NTM: variants seen among roughly 807,000 people sequenced by gnomAD.
NTM encodes the protein neurotrimin.
Under a neutral mutation model 42.1 loss-of-function variants are expected in NTM, and 13 were observed. That is an observed-to-expected ratio of 0.31 (90% CI 0.20 to 0.49). The LOEUF (loss-of-function observed/expected upper bound fraction) is 0.49. Among genes scored for constraint, NTM ranks in the 20% least tolerant of loss-of-function variants. The probability of loss-of-function intolerance (pLI) is 0.99; values close to 1 mark genes in which losing one functional copy is unlikely to be tolerated. For missense variants in NTM, 373 were observed against 452.8 expected (o/e 0.82, Z 1.60); for synonymous variants, 187 against 179.2 (o/e 1.04, Z -0.35).
chr11:132,027,636 G>T (rs1403798652), intron 2 of NTM, among the ~76,000 whole-genome samples: 1 of 152,062 alleles, frequency 6.6e-6, no homozygotes, highest in Non-Finnish European at 1.5e-5. Context: ...CTTCTCTATT[G>T]GTAAGCCCTC....
At position 131,895,702 on chromosome 11, in the gene NTM, G is replaced by A. The variant is rs565629659; in HGVS notation, c.83-15862G>A. Among the ~76,000 whole-genome samples, 72 of 151,842 alleles carry A rather than the reference G, an allele frequency of 4.7e-4. 1 individual carries two copies. The highest frequency in any genetic ancestry group is 1.7e-3 in the African/African-American group (69 of 41,324). ...AATATACATATATATGTGTGTGTGT[G>A]TATATATATACATTTCCTTTAAAAT... is the stretch of plus-strand genomic sequence containing the variant. On this transcript the variant is annotated intron_variant, in intron 1 of 8. Transcript: ENST00000683400.
chr11:131,661,618 G>C lies in NTM; in HGVS notation c.83-249946G>C, dbSNP rs112051744. Among the ~76,000 whole-genome samples the C allele has an allele frequency of 1.2e-3, 187 of 152,306 alleles. 1 individual carries two copies. The highest frequency in any genetic ancestry group is 4.2e-3 in the African/African-American group (175 of 41,556). On this transcript the variant is annotated intron_variant, in intron 1 of 8. Transcript: ENST00000683400. ...CATGAGGCAGGGTAGATTTCTAAAA[G>C]AGCTGGGGGCTGGTTTGTCATTGTA...
rs1329733788 is a variant in NTM at position 131,904,705 on chromosome 11, C to G, written c.83-6859C>G. Among the ~76,000 whole-genome samples, 2 of 152,164 alleles carry G rather than the reference C, an allele frequency of 1.3e-5. 1 individual carries two copies. The highest frequency in any genetic ancestry group is 2.9e-5 in the Non-Finnish European group (2 of 68,032). ...TTACAATGGGATGGAGGTGTCCTGT[C>G]TTTTTGTCAGGTGGATTGGCTACTT... is the stretch of plus-strand genomic sequence containing the variant. On this transcript the variant is annotated intron_variant, in intron 1 of 8. Coordinates refer to ENST00000683400, the MANE Select transcript of NTM (RefSeq NM_001352005.2).
At chr11:131,710,843 G>A (rs892446913) in intron 1 of NTM, among the ~76,000 whole-genome samples, 1 of 152,088 alleles carries the variant, frequency 6.6e-6, no homozygotes, top group Non-Finnish European at 1.5e-5. Context: ...TACCTAGAAG[G>A]ATCACACCTC....
At chr11:131,570,714 G>C (rs184505563) in intron 1 of NTM, among the ~76,000 whole-genome samples, 25 of 152,226 alleles carry the variant, frequency 1.6e-4, no homozygotes, top group Admixed American at 1.6e-3. Flanking sequence ...TCCCAGCCAC[G>C]CAGGAGCCTG....
chr11:131,688,679 G>A (rs560634548), intron 1 of NTM, among the ~76,000 whole-genome samples: 21 of 152,368 alleles, frequency 1.4e-4, no homozygotes, highest in African/African-American at 4.8e-4. Flanking sequence ...CCCAGTTCAT[G>A]CTGTGGGTTG....
intron 7 of NTM, among the ~76,000 whole-genome samples, chr11:132,319,101 G>A (rs774117717): frequency 2.0e-5 from 3 of 152,182 alleles, no homozygotes; most frequent in African/African-American, 4.8e-5. Context: ...ATTCACAGAC[G>A]TAAAATAGAG....
At chr11:132,049,571 C>T (rs1262711664) in intron 2 of NTM, among the ~76,000 whole-genome samples, 1 of 152,152 alleles carries the variant, frequency 6.6e-6, no homozygotes, top group African/African-American at 2.4e-5. Context: ...AGGTGAGCGC[C>T]CTTGGCTGTG....
intron 1 of NTM, among the ~76,000 whole-genome samples, chr11:131,448,805 G>A (rs1400143981): frequency 1.3e-5 from 2 of 152,208 alleles, no homozygotes; most frequent in South Asian, 2.1e-4. Flanking sequence ...TTGGTGACCC[G>A]GAAGTCACGA....
chr11:131,911,097 C>A, intron 1 of NTM: 1 of 1,153,116 alleles, frequency 8.7e-7, no homozygotes, highest in Non-Finnish European at 1.1e-6. Flanking sequence ...CCTTCTGGTA[C>A]CAAAGTGCTT....
intron 4 of NTM, among the ~76,000 whole-genome samples, chr11:132,251,895 G>A (rs2091975888): frequency 6.6e-6 from 1 of 152,230 alleles, no homozygotes; most frequent in African/African-American, 2.4e-5. Flanking sequence ...CCACCCATGA[G>A]AAGAAAATCT....
At chr11:131,911,185 CCG>C in intron 1 of NTM, 1 of 1,352,604 alleles carries the variant, frequency 7.4e-7, no homozygotes, top group Non-Finnish European at 9.5e-7. Context: ...CTTTCACCTG[CCG>C]CGCGCTTCCC....
chr11:131,706,339 A>G (rs373071155), intron 1 of NTM, among the ~76,000 whole-genome samples: 1 of 152,146 alleles, frequency 6.6e-6, no homozygotes, highest in Admixed American at 6.5e-5. Flanking sequence ...ATACATAAAC[A>G]TTAACAAAAC....
intron 4 of NTM, among the ~76,000 whole-genome samples, chr11:132,227,914 C>T (rs763267764): frequency 6.6e-6 from 1 of 152,178 alleles, no homozygotes; most frequent in Non-Finnish European, 1.5e-5. Flanking sequence ...AGAACGATTT[C>T]TGCTCATCCC....
At chr11:132,040,929 G>A (rs1001228982) in intron 2 of NTM, among the ~76,000 whole-genome samples, 12 of 152,098 alleles carry the variant, frequency 7.9e-5, no homozygotes, top group African/African-American at 2.7e-4. Context: ...TAAAAAAGGG[G>A]GTCATAGCTA....
intron 1 of NTM, among the ~76,000 whole-genome samples, chr11:131,465,368 C>T (rs758635677): frequency 2.0e-5 from 3 of 152,160 alleles, no homozygotes; most frequent in Non-Finnish European, 2.9e-5. Flanking sequence ...GAGCTGTAAA[C>T]TCTGAATCAC....
intron 1 of NTM, among the ~76,000 whole-genome samples, chr11:131,692,501 C>T (rs59888327): frequency 1.3e-5 from 2 of 152,186 alleles, no homozygotes; most frequent in Non-Finnish European, 2.9e-5. Context: ...CCAGGCAGAT[C>T]TCTGAATAAT....
At chr11:131,896,764 C>G (rs1235034514) in intron 1 of NTM, among the ~76,000 whole-genome samples, 1 of 147,096 alleles carries the variant, frequency 6.8e-6, no homozygotes. Context: ...TCTCAGCTCA[C>G]TGCAAGCTCC....
At chr11:131,516,394 A>C (rs1157563264) in intron 1 of NTM, among the ~76,000 whole-genome samples, 1 of 151,838 alleles carries the variant, frequency 6.6e-6, no homozygotes, top group African/African-American at 2.4e-5. Flanking sequence ...TTATTTTTTT[A>C]TTAGATGGAG....
Sources: allele counts gnomAD v4.1 joint callset (sites outside exome capture counted in the v4.1 genomes callset), GRCh38; gene constraint gnomAD v4.1.1; transcripts MANE v1.5; gene names NCBI Gene and HGNC (gene_info 2026-07-23, HGNC 2026-07-21).